The following PDZRN4 variants were observed in gnomAD, a reference collection of about 807,000 sequenced individuals.
PDZRN4 encodes the protein PDZ domain-containing RING finger protein 4.
Under a neutral mutation model 99.0 loss-of-function variants are expected in PDZRN4, and 70 were observed. That is an observed-to-expected ratio of 0.71 (90% CI 0.58 to 0.86). The LOEUF (loss-of-function observed/expected upper bound fraction) is 0.86, where lower values mean the gene tolerates loss of function less well. Ranked by LOEUF, PDZRN4 falls within the 40% of genes least tolerant of loss-of-function variation. The pLI is 0.00. For synonymous variants in PDZRN4, 551 were observed against 501.6 expected, an observed-to-expected ratio of 1.10 and a Z score of -1.32; for missense variants, 1,474 against 1,331.2, an observed-to-expected ratio of 1.11 and a Z score of -1.67.
At position 41,197,920 on chromosome 12, in the gene PDZRN4, G is replaced by GTTTTTTTTTTTTTTTTTTTTTT. The variant is rs533696414; in HGVS notation, c.843+3743_843+3744insTTTTTTTTTTTTTTTTTTTTTT. ...TTCTTCTTTTCCTTGTTTTTTCTGG[G>GTTTTTTTTTTTTTTTTTTTTTT]TTTTTTTTTTTGGAGACAGGATCTT... is the stretch of plus-strand genomic sequence containing the variant. On this transcript the variant is annotated intron_variant, in intron 3 of 9. Coordinates refer to ENST00000402685, the MANE Select transcript of PDZRN4 (RefSeq NM_001164595.2). Among the ~76,000 whole-genome samples the GTTTTTTTTTTTTTTTTTTTTTT allele has an allele frequency of 2.1e-3, 237 of 115,500 alleles. 4 individuals carry two copies. Among genetic ancestry groups the GTTTTTTTTTTTTTTTTTTTTTT allele is most frequent in the Middle Eastern group, 5.2e-3 (1 of 192 alleles). 75.8% of individuals were successfully genotyped at this position (115,500 alleles called of 152,430 possible).
At chr12:41,228,972 A>G (rs912038984) in intron 3 of PDZRN4, among the ~76,000 whole-genome samples, 1 of 151,972 alleles carries the variant, frequency 6.6e-6, no homozygotes, top group Admixed American at 6.6e-5. Context: ...TTAGATTCTT[A>G]AAGAATTCTG....
chr12:41,200,407 C>G (rs1395045288), intron 3 of PDZRN4, among the ~76,000 whole-genome samples: 1 of 152,054 alleles, frequency 6.6e-6, no homozygotes, highest in African/African-American at 2.4e-5. Context: ...TTATGTTAGC[C>G]TACAAAAAAA....
intron 5 of PDZRN4, among the ~76,000 whole-genome samples, chr12:41,547,242 A>G (rs1938969872): frequency 6.6e-6 from 1 of 152,186 alleles, no homozygotes; most frequent in African/African-American, 2.4e-5. Context: ...TTTTAGACAG[A>G]TTGCTTTTGG....
chr12:41,222,816 C>T (rs1417001284), intron 3 of PDZRN4, among the ~76,000 whole-genome samples: 2 of 152,312 alleles, frequency 1.3e-5, no homozygotes, highest in Non-Finnish European at 1.5e-5. Flanking sequence ...TGAGCCACCA[C>T]ACCCAGCCTA....
intron 4 of PDZRN4, 147 bp downstream of exon 4, chr12:41,506,859 A>G (rs910792024): frequency 1.2e-6 from 1 of 834,694 alleles, no homozygotes. Context: ...CCCTGTTTTG[A>G]TATGTGCAAT....
chr12:41,519,625 T>C (rs1938459467), intron 5 of PDZRN4, among the ~76,000 whole-genome samples: 2 of 152,082 alleles, frequency 1.3e-5, no homozygotes, highest in African/African-American at 4.8e-5. Flanking sequence ...CTTCTACCAA[T>C]GCTCTTCAAT....
At chr12:41,435,113 A>G (rs1027689271) in intron 3 of PDZRN4, among the ~76,000 whole-genome samples, 2 of 152,192 alleles carry the variant, frequency 1.3e-5, no homozygotes, top group African/African-American at 4.8e-5. Context: ...TGATTGGAAA[A>G]GCTGCCCTTG....
At chr12:41,234,030 G>GAT (rs1263159113) in intron 3 of PDZRN4, among the ~76,000 whole-genome samples, 1 of 151,560 alleles carries the variant, frequency 6.6e-6, no homozygotes, top group Admixed American at 6.6e-5. Flanking sequence ...AAGCAATATT[G>GAT]GCCCTTTGAG....
chr12:41,404,167 T>A (rs1952325080), intron 3 of PDZRN4, among the ~76,000 whole-genome samples: 1 of 152,200 alleles, frequency 6.6e-6, no homozygotes, highest in Admixed American at 6.6e-5. Context: ...TTTTAATTTT[T>A]GTATTGTTAT....
chr12:41,532,667 T>C (rs1425505011), intron 5 of PDZRN4, among the ~76,000 whole-genome samples: 2 of 152,136 alleles, frequency 1.3e-5, no homozygotes, highest in Non-Finnish European at 2.9e-5. Flanking sequence ...TAGGTAAGAG[T>C]ACAGACTTCG....
At chr12:41,384,066 G>A (rs183248882) in intron 3 of PDZRN4, among the ~76,000 whole-genome samples, 35 of 126,200 alleles carry the variant, frequency 2.8e-4, no homozygotes, top group East Asian at 2.5e-4. Context: ...GCAGTGGCGC[G>A]ATCTCAGCTC....
chr12:41,442,868 C>A (rs1952691818), intron 3 of PDZRN4, among the ~76,000 whole-genome samples: 1 of 152,078 alleles, frequency 6.6e-6, no homozygotes, highest in African/African-American at 2.4e-5. Flanking sequence ...ATGAGAAAGG[C>A]TAAGAAATAA....
At chr12:41,490,567 C>T (rs1937864835) in intron 3 of PDZRN4, among the ~76,000 whole-genome samples, 1 of 151,966 alleles carries the variant, frequency 6.6e-6, no homozygotes, top group African/African-American at 2.4e-5. Context: ...TATATATGTG[C>T]ATATATTATA....
At chr12:41,530,380 GGTTC>G (rs1392330301) in intron 5 of PDZRN4, among the ~76,000 whole-genome samples, 1 of 152,056 alleles carries the variant, frequency 6.6e-6, no homozygotes, top group Non-Finnish European at 1.5e-5. Flanking sequence ...AATACAGTAT[GGTTC>G]TTCTGAAACC....
intron 3 of PDZRN4, among the ~76,000 whole-genome samples, chr12:41,480,294 G>A (rs962499231): frequency 6.6e-6 from 1 of 152,078 alleles, no homozygotes; most frequent in African/African-American, 2.4e-5. Flanking sequence ...TTAGTTCATT[G>A]CTCAGTCACC....
intron 6 of PDZRN4, 77 bp downstream of exon 6, chr12:41,552,831 C>A (rs577477573): frequency 2.0e-5 from 23 of 1,143,678 alleles, no homozygotes; most frequent in Non-Finnish European, 2.9e-5. Context: ...AATGAGAAAA[C>A]CCTTCCTTCA....
At chr12:41,522,796 G>C (rs989937234) in intron 5 of PDZRN4, among the ~76,000 whole-genome samples, 2 of 152,094 alleles carry the variant, frequency 1.3e-5, no homozygotes, top group African/African-American at 4.8e-5. Flanking sequence ...ATGATCAGTA[G>C]CTGATTAGTA....
At chr12:41,407,612 A>G (rs940508055) in intron 3 of PDZRN4, among the ~76,000 whole-genome samples, 2 of 152,088 alleles carry the variant, frequency 1.3e-5, no homozygotes, top group Non-Finnish European at 2.9e-5. Flanking sequence ...CCAGCTTAGG[A>G]GTGTGAGAAA....
chr12:41,566,148 C>A (rs1268070030), intron 8 of PDZRN4, among the ~76,000 whole-genome samples: 1 of 152,122 alleles, frequency 6.6e-6, no homozygotes, highest in Non-Finnish European at 1.5e-5. Flanking sequence ...CAGGAATCTA[C>A]TGGATTACTC....
Sources: allele counts gnomAD v4.1 joint callset (sites outside exome capture counted in the v4.1 genomes callset), GRCh38; gene constraint gnomAD v4.1.1; transcripts MANE v1.5; gene names NCBI Gene and HGNC (gene_info 2026-07-23, HGNC 2026-07-21).